Variants in NPDC1 observed in about 807,000 individuals in gnomAD.
NPDC1 encodes neural proliferation differentiation and control protein 1.
In NPDC1, 18 loss-of-function variants were observed where a neutral mutation model predicts 32.5. That is an observed-to-expected ratio of 0.55 (90% confidence interval 0.38 to 0.82). The LOEUF (loss-of-function observed/expected upper bound fraction) is 0.82. Among genes scored for constraint, NPDC1 ranks in the 40% least tolerant of loss-of-function variants. The probability of loss-of-function intolerance (pLI) is 0.00; values close to 1 mark genes in which losing one functional copy is unlikely to be tolerated. For synonymous variants in NPDC1, 210 were observed against 184.7 expected, an observed-to-expected ratio of 1.14 and a Z score of -1.11; for missense variants, 468 against 406.6, an observed-to-expected ratio of 1.15 and a Z score of -1.30.
At chr9:137,044,473 G>A (rs569683368) in intron 1 of NPDC1, among the ~76,000 whole-genome samples, 2 of 152,304 alleles carry the variant, frequency 1.3e-5, no homozygotes, top group East Asian at 3.9e-4. Flanking sequence ...TGGCTCTAGG[G>A]TCTGGGTTCC....
chr9:137,043,746 C>T (rs922598854), intron 1 of NPDC1: 2 of 261,478 alleles, frequency 7.6e-6, no homozygotes, highest in African/African-American at 2.2e-5. Context: ...CTCAGGAGGC[C>T]GAGGTTGGCA....
intron 2 of NPDC1, among the ~76,000 whole-genome samples, chr9:137,041,698 T>C (rs1286737822): frequency 1.3e-5 from 2 of 151,858 alleles, no homozygotes; most frequent in African/African-American, 4.8e-5. Flanking sequence ...CGCTCCCAGG[T>C]TGGCAGGAGG....
At chr9:137,045,399 G>C (rs889045435) in intron 1 of NPDC1, among the ~76,000 whole-genome samples, 10 of 152,278 alleles carry the variant, frequency 6.6e-5, no homozygotes, top group African/African-American at 2.4e-4. Flanking sequence ...GGTGCCCAGC[G>C]CCACCCAAGG....
chr9:137,041,603 T>C (rs1349041320), intron 2 of NPDC1, among the ~76,000 whole-genome samples: 3 of 151,974 alleles, frequency 2.0e-5, no homozygotes, highest in Admixed American at 1.3e-4. Context: ...CCCCAGGTCA[T>C]TGGGAGAACG....
In NPDC1 at chr9:137,040,382, G is replaced by A. The variant is rs1258567106; in HGVS notation, c.763C>T (p.Arg255Trp). The A allele has an allele frequency of 3.2e-6, 5 of 1,546,840 alleles. No individual in the cohort carries two copies. The highest frequency in any genetic ancestry group is 4.4e-6 in the Non-Finnish European group (5 of 1,146,830). ...CGCTCCAGGCACAGCATCTGTTGCC[G>A]TTGGTGCTGGTAGTGGTACATCTCC... Reference protein sequence around the residue: ...SAEMYHYQHQRQQMLCLERHK... With the variant: ...SAEMYHYQHQWQQMLCLERHK... The change falls in exon 7 of 9, where the codon CGG becomes TGG. Residue 255 changes from arginine to tryptophan, a missense_variant. Physicochemically the swap from Arg to Trp is moderately radical, Grantham distance 101 (BLOSUM62 -3). Coordinates refer to ENST00000371601, the MANE Select transcript of NPDC1 (RefSeq NM_015392.4).
intron 2 of NPDC1, among the ~76,000 whole-genome samples, chr9:137,041,404 T>C (rs565291620): frequency 2.0e-5 from 3 of 152,160 alleles, no homozygotes; most frequent in Non-Finnish European, 2.9e-5. Flanking sequence ...GAGGAGGCGC[T>C]AGGGAAACGT....
In NPDC1 at chr9:137,039,620, G is replaced by C. The variant is rs1005544750; in HGVS notation, c.*152C>G. The C allele has an allele frequency of 1.7e-6, 1 of 591,458 alleles. No homozygotes were observed. The highest frequency in any genetic ancestry group is 2.8e-5 in the East Asian group (1 of 35,424). The allele number at this position is 591,458 out of a possible 1,614,324, so 36.6% of individuals were successfully genotyped here. A position where few individuals can be genotyped will look rare whatever the true frequency, so the allele number is the denominator to read the frequency against. On this transcript the variant is annotated 3_prime_UTR_variant, in exon 9 of 9. Coordinates refer to ENST00000371601, the MANE Select transcript of NPDC1 (RefSeq NM_015392.4). ...GGTGTCCTGGCACAAAGGTTCGGGG[G>C]TCTCCCTGGCAAGGGGTCCCAGGGC...
chr9:137,043,179 G>T, intron 1 of NPDC1, 106 bp from the exon 2 acceptor site: 1 of 1,315,210 alleles, frequency 7.6e-7, no homozygotes, highest in South Asian at 1.3e-5. Flanking sequence ...CCCCGAGCTG[G>T]CCGGGCCTGG....
Position 137,040,074 on chromosome 9 carries a change from G to C in NPDC1, c.789-7C>G, listed in dbSNP as rs187473008. The stretch of plus-strand genomic sequence containing the variant: ...CTTGGGTGGCTCTTTATGCCTGGGT[G>C]GGGGGGGATCGCTGGGTCCTCCCCA... On this transcript the variant is annotated splice_polypyrimidine_tract_variant and splice_region_variant and intron_variant, in intron 7 of 8. Transcript: ENST00000371601. 16 of 774,348 alleles carry C rather than the reference G, an allele frequency of 2.1e-5. No homozygotes were observed. The highest frequency in any genetic ancestry group is 3.4e-5 in the Non-Finnish European group (14 of 416,864). 48.0% of individuals were successfully genotyped at this position (774,348 alleles called of 1,614,324 possible).
chr9:137,040,624 C>CT, intron 5 of NPDC1, 26 bp from the exon 6 acceptor site: 1 of 1,563,168 alleles, frequency 6.4e-7, no homozygotes. Flanking sequence ...CCTGAGACCT[C>CT]TGAGCGTGTG....
chr9:137,040,312 G>A, intron 7 of NPDC1, 45 bp downstream of exon 7: 4 of 1,487,336 alleles, frequency 2.7e-6, no homozygotes, highest in Non-Finnish European at 3.6e-6. Flanking sequence ...AGGTGGGGAT[G>A]GGGGGTGGGT....
At chr9:137,040,214 G>A (rs1832025117) in intron 7 of NPDC1, 143 bp downstream of exon 7, 3 of 804,258 alleles carry the variant, frequency 3.7e-6, no homozygotes, top group Admixed American at 4.1e-5. Context: ...TGAGGGTGCA[G>A]GGCGGCGGGG....
At chr9:137,043,104 C>G in intron 1 of NPDC1, 31 bp from the exon 2 acceptor site, 1 of 1,608,220 alleles carries the variant, frequency 6.2e-7, no homozygotes, top group African/African-American at 1.3e-5. Context: ...AGGGCCGGCT[C>G]ACGGCCCCGC....
At chr9:137,042,459 G>T (rs565207047) in intron 2 of NPDC1, among the ~76,000 whole-genome samples, 69 of 151,828 alleles carry the variant, frequency 4.5e-4, no homozygotes, top group Non-Finnish European at 3.2e-4. Context: ...GGGTTTCACC[G>T]TGTTAGCCAG....
In NPDC1 at chr9:137,046,085, G is replaced by A; in HGVS notation, c.-96C>T. ...GTCGGGAGCAGCGGAGGCAGCGGGG[G>A]AGGACGCAGGAGGAAGAAGAGGCGG... On this transcript the variant is annotated 5_prime_UTR_variant, in exon 1 of 9. Transcript: ENST00000371601. The A allele has an allele frequency of 1.8e-6, 2 of 1,091,020 alleles. No individual in the cohort carries two copies. Among genetic ancestry groups the A allele is most frequent in the Non-Finnish European group, 2.2e-6 (2 of 896,806 alleles). 67.6% of individuals were successfully genotyped at this position (1,091,020 alleles called of 1,614,324 possible). A position where few individuals can be genotyped will look rare whatever the true frequency, so the allele number is the denominator to read the frequency against.
intron 7 of NPDC1, 84 bp downstream of exon 7, chr9:137,040,273 T>C (rs1832025836): frequency 5.3e-6 from 5 of 937,016 alleles, no homozygotes; most frequent in Non-Finnish European, 6.7e-6. Context: ...TGGGGTAAAG[T>C]TGGCCAGGGG....
rs1268022102 is a variant in NPDC1 at position 137,046,005 on chromosome 9, C to G, written c.-16G>C. 2 of 1,191,480 alleles carry G rather than the reference C, an allele frequency of 1.7e-6. No individual in the cohort carries two copies. The allele number at this position is 1,191,480 out of a possible 1,614,324, so 73.8% of individuals were successfully genotyped here. On this transcript the variant is annotated 5_prime_UTR_variant, in exon 1 of 9. Transcript: ENST00000371601. ...GCGTCGCCATCCTTCAGCGCCGCCGCCGGGGCAGCATGGCACCGCGAGGCC... is the reference window on the plus strand; with the variant it reads ...GCGTCGCCATCCTTCAGCGCCGCCGGCGGGGCAGCATGGCACCGCGAGGCC...
At position 137,039,594 on chromosome 9, in the gene NPDC1, A is replaced by G. The variant is rs1215822748; in HGVS notation, c.*178T>C. The G allele has an allele frequency of 5.2e-6, 3 of 580,946 alleles. No homozygotes were observed. Among genetic ancestry groups the G allele is most frequent in the Admixed American group, 3.2e-5 (1 of 30,972 alleles). The allele number at this position is 580,946 out of a possible 1,614,324, so 36.0% of individuals were successfully genotyped here. A position where few individuals can be genotyped will look rare whatever the true frequency, so the allele number is the denominator to read the frequency against. On this transcript the variant is annotated 3_prime_UTR_variant, in exon 9 of 9. Coordinates refer to ENST00000371601, the MANE Select transcript of NPDC1 (RefSeq NM_015392.4). Reference sequence around the variant, plus strand: ...AACAGGAGAGGTGCAGGGGACCAGGAGGTGTCCTGGCACAAAGGTTCGGGG... The same window carrying G: ...AACAGGAGAGGTGCAGGGGACCAGGGGGTGTCCTGGCACAAAGGTTCGGGG...
At chr9:137,045,834 G>C in intron 1 of NPDC1, 44 bp downstream of exon 1, 1 of 989,718 alleles carries the variant, frequency 1.0e-6, no homozygotes. Flanking sequence ...CGGCGATCCC[G>C]GCCCCGGGGC....
Sources: allele counts gnomAD v4.1 joint callset (sites outside exome capture counted in the v4.1 genomes callset), GRCh38; gene constraint gnomAD v4.1.1; transcripts MANE v1.5; gene names NCBI Gene and HGNC (gene_info 2026-07-23, HGNC 2026-07-21).